PIKFYVE: variants seen among roughly 807,000 people sequenced by gnomAD.
The protein encoded by PIKFYVE is phosphoinositide kinase, FYVE-type zinc finger containing, also known as 1-phosphatidylinositol 3-phosphate 5-kinase.
A neutral mutation model predicts 257.9 loss-of-function variants in PIKFYVE; 122 were observed. The observed-to-expected ratio is 0.47, with a 90% confidence interval of 0.41 to 0.55. The LOEUF (loss-of-function observed/expected upper bound fraction) is 0.55. Among genes scored for constraint, PIKFYVE ranks in the 20% least tolerant of loss-of-function variants. PIKFYVE has a pLI of 0.00. For synonymous variants in PIKFYVE, 892 were observed against 868.9 expected (o/e 1.03, Z -0.47); for missense variants, 2,160 against 2,536.6 (o/e 0.85, Z 3.19).
At chr2:208,339,775 G>C (rs952748981) in intron 30 of PIKFYVE, among the ~76,000 whole-genome samples, 3 of 152,114 alleles carry the variant, frequency 2.0e-5, no homozygotes, top group African/African-American at 7.2e-5. Context: ...AATAGCCACA[G>C]TGCTTCAGAG....
chr2:208,292,028 G>A (rs941138370), intron 7 of PIKFYVE, among the ~76,000 whole-genome samples: 23 of 151,946 alleles, frequency 1.5e-4, no homozygotes, highest in Admixed American at 1.3e-4. Context: ...ATTTAAAAAT[G>A]TTTCTTTATA....
intron 5 of PIKFYVE, among the ~76,000 whole-genome samples, chr2:208,284,291 G>C (rs1370101519): frequency 2.2e-4 from 28 of 128,606 alleles, no homozygotes; most frequent in East Asian, 2.2e-4. Flanking sequence ...AGACAGTTTC[G>C]CTTTTATTGC....
At chr2:208,304,783 G>A in intron 11 of PIKFYVE, 63 bp from the exon 12 acceptor site, 2 of 1,534,080 alleles carry the variant, frequency 1.3e-6, no homozygotes, top group Non-Finnish European at 1.8e-6. Context: ...CCAATACCCT[G>A]ATAAAACCCA....
intron 30 of PIKFYVE, 147 bp from the exon 31 acceptor site, chr2:208,339,864 G>A (rs1698537532): frequency 2.0e-6 from 2 of 980,792 alleles, no homozygotes; most frequent in Non-Finnish European, 1.5e-6. Flanking sequence ...TCCCATAGTG[G>A]TCTTTTCCCT....
At chr2:208,323,188 C>T (rs1033377253) in intron 17 of PIKFYVE, among the ~76,000 whole-genome samples, 25 of 149,988 alleles carry the variant, frequency 1.7e-4, no homozygotes, top group South Asian at 6.4e-4. Context: ...TATACATGTG[C>T]CGTGCTGGTG....
chr2:208,330,768 A>AGAT (rs1559141112), intron 23 of PIKFYVE, 74 bp downstream of exon 23: 1 of 1,305,342 alleles, frequency 7.7e-7, no homozygotes. Flanking sequence ...TTTCCTGAGG[A>AGAT]GGTTTCCTAT....
intron 12 of PIKFYVE, among the ~76,000 whole-genome samples, chr2:208,309,876 C>A (rs555663849): frequency 6.6e-6 from 1 of 152,146 alleles, no homozygotes; most frequent in Non-Finnish European, 1.5e-5. Flanking sequence ...AAATCTAGAT[C>A]TAGAATTAAA....
At chr2:208,327,769 A>G (rs1697102068) in intron 20 of PIKFYVE, among the ~76,000 whole-genome samples, 1 of 152,204 alleles carries the variant, frequency 6.6e-6, no homozygotes, top group African/African-American at 2.4e-5. Context: ...TTACCTTTGT[A>G]ATGATCAAAA....
In PIKFYVE at chr2:208,340,164, G is replaced by T. The variant is rs552454414; in HGVS notation, c.4931+33G>T. 10 of 1,611,056 alleles carry T rather than the reference G, an allele frequency of 6.2e-6. No homozygotes were observed. In the East Asian group the frequency reaches 1.8e-4, roughly 29 times the overall value. ...TTATTAAAACCAGTGGCTCTTAGCA[G>T]GGGGGTTATTTTTCCTTAGTTGCTC... On this transcript the variant is annotated intron_variant, in intron 31 of 41. Transcript: ENST00000264380.
chr2:208,321,020 C>A (rs1696145280), intron 17 of PIKFYVE, among the ~76,000 whole-genome samples: 1 of 152,208 alleles, frequency 6.6e-6, no homozygotes, highest in East Asian at 1.9e-4. Context: ...AGTTTTTGTG[C>A]ATTTAATTTT....
chr2:208,350,223 G>T (rs989082778), intron 36 of PIKFYVE, 140 bp downstream of exon 36: 1 of 1,224,182 alleles, frequency 8.2e-7, no homozygotes. Flanking sequence ...CTGACATGAG[G>T]TATATTTAAT....
At chr2:208,337,949 C>A (rs943566688) in intron 28 of PIKFYVE, among the ~76,000 whole-genome samples, 1 of 152,154 alleles carries the variant, frequency 6.6e-6, no homozygotes, top group African/African-American at 2.4e-5. Flanking sequence ...TCTTAAACTC[C>A]TGACCTCAGG....
chr2:208,349,827 C>CA (rs1699602834), intron 35 of PIKFYVE, among the ~76,000 whole-genome samples, 197 bp from the exon 36 acceptor site: 10 of 151,918 alleles, frequency 6.6e-5, no homozygotes, highest in Admixed American at 6.6e-4. Flanking sequence ...ACTGAAATTC[C>CA]AAAAAACATA....
intron 1 of PIKFYVE, chr2:208,269,414 T>C: frequency 4.2e-6 from 1 of 239,130 alleles, no homozygotes; most frequent in Non-Finnish European, 8.8e-6. Context: ...ACAGTCTCCA[T>C]CTCCTCCTCA....
rs1042500340 is a variant in PIKFYVE at position 208,338,002 on chromosome 2, C to T, written c.4612-506C>T. ...CCTCCCGAAGTTTTGGGATTACAGGCGTAAGCCACCACACCTGGCTCATTT... is the reference window on the plus strand; with the variant it reads ...CCTCCCGAAGTTTTGGGATTACAGGTGTAAGCCACCACACCTGGCTCATTT... On this transcript the variant is annotated intron_variant, in intron 28 of 41. Coordinates refer to ENST00000264380, the MANE Select transcript of PIKFYVE (RefSeq NM_015040.4). Among the ~76,000 whole-genome samples the T allele has an allele frequency of 7.2e-5, 11 of 152,062 alleles. No homozygotes were observed. In the South Asian group the frequency reaches 1.7e-3, roughly 23 times the overall value.
At chr2:208,318,434 A>G (rs1006799871) in intron 16 of PIKFYVE, among the ~76,000 whole-genome samples, 2 of 152,180 alleles carry the variant, frequency 1.3e-5, no homozygotes, top group African/African-American at 2.4e-5. Context: ...CTGAGTTCCT[A>G]AGGTGTAATA....
chr2:208,337,002 G>A lies in PIKFYVE; in HGVS notation c.4611+74G>A, dbSNP rs1227948163. ...TAGTTTCATTTATAATACTTAGCAG[G>A]GATAGTTTAATATGTACTTTAGTAA... On this transcript the variant is annotated intron_variant, in intron 28 of 41. Transcript: ENST00000264380. 98 of 1,199,574 alleles carry A rather than the reference G, an allele frequency of 8.2e-5. 2 individuals carry two copies. In the East Asian group the frequency reaches 1.3e-3, roughly 16 times the overall value. 74.3% of individuals were successfully genotyped at this position (1,199,574 alleles called of 1,614,324 possible).
At chr2:208,333,607 ACCCT>A in intron 24 of PIKFYVE, 114 bp downstream of exon 24, 32 of 1,141,750 alleles carry the variant, frequency 2.8e-5, no homozygotes, top group Non-Finnish European at 3.9e-5. Flanking sequence ...CCCCATTTAT[ACCCT>A]TATAAATGCA....
rs886055534 is a variant in PIKFYVE at position 208,342,580 on chromosome 2, A to G, written c.4958A>G (p.Tyr1653Cys). ...PFDPDKHYLM[Y>C]EHERVPIAVC... is the part of the protein sequence containing the mutation. The stretch of plus-strand genomic sequence containing the variant: ...GATCCAGATAAACACTACTTAATGT[A>G]TGAACATGAACGAGTGCCCATTGCA... Residue 1653 changes from tyrosine to cysteine, a missense_variant, in exon 32 of 42, where the codon TAT (tyrosine) becomes TGT (cysteine). Physicochemically the swap from Tyr to Cys is radical, Grantham distance 194. Around this residue, in one of 12 missense-constraint regions of PIKFYVE, gnomAD observed 699 missense variants for 855.8 expected, o/e 0.82. Coordinates refer to ENST00000264380, the MANE Select transcript of PIKFYVE (RefSeq NM_015040.4). The G allele has an allele frequency of 4.3e-6, 7 of 1,613,908 alleles. No individual in the cohort carries two copies. The highest frequency in any genetic ancestry group is 1.1e-5 in the South Asian group (1 of 91,070).
Sources: gnomAD v4.1 joint callset for allele counts (sites outside exome capture counted in the v4.1 genomes callset) on GRCh38, gnomAD v4.1.1 for gene constraint, gnomAD v4.1.1 regional missense constraint, MANE v1.5 for transcripts, NCBI Gene and HGNC (gene_info 2026-07-23, HGNC 2026-07-21) for gene names.